MYPN: variants seen among roughly 807,000 people sequenced by gnomAD.
The protein encoded by MYPN is myopalladin.
MYPN carries 63 observed loss-of-function variants against 129.4 expected under a neutral mutation model. That is an observed-to-expected ratio of 0.49 (90% CI 0.40 to 0.60). The LOEUF (loss-of-function observed/expected upper bound fraction) is 0.60, where lower values mean the gene tolerates loss of function less well. Ranked by LOEUF, MYPN falls within the 20% of genes least tolerant of loss-of-function variation. The pLI, the probability that MYPN is intolerant of heterozygous loss-of-function variation, is 0.00. For synonymous variants in MYPN, 629 were observed against 600.9 expected, an observed-to-expected ratio of 1.05 and a Z score of -0.68; for missense variants, 1,596 against 1,635.4, an observed-to-expected ratio of 0.98 and a Z score of 0.42.
chr10:68,103,558 C>T (rs2041992157), upstream of MYPN, among the ~76,000 whole-genome samples: 1 of 152,174 alleles, frequency 6.6e-6, no homozygotes, highest in Non-Finnish European at 1.5e-5. Context: ...TGAATTTCCT[C>T]CTTTGAGTGA....
intron 10 of MYPN, among the ~76,000 whole-genome samples, chr10:68,168,641 G>A (rs187453061): frequency 2.0e-4 from 30 of 152,258 alleles, no homozygotes; most frequent in African/African-American, 6.0e-4. Context: ...ACATCTCAAA[G>A]CAGGGACTTA....
At chr10:68,143,417 G>C (rs1340932239) in intron 3 of MYPN, among the ~76,000 whole-genome samples, 1 of 152,154 alleles carries the variant, frequency 6.6e-6, no homozygotes, top group East Asian at 1.9e-4. Flanking sequence ...TGAGTGTAGG[G>C]GGCGGAGGAG....
upstream of MYPN, chr10:68,106,020 C>T: frequency 2.7e-6 from 1 of 374,594 alleles, no homozygotes; most frequent in Admixed American, 3.0e-5. Context: ...AATGACTGTC[C>T]CTGGATCTGC....
intron 13 of MYPN, among the ~76,000 whole-genome samples, chr10:68,191,364 T>C (rs1358706630): frequency 2.6e-5 from 4 of 152,022 alleles, no homozygotes; most frequent in Non-Finnish European, 5.9e-5. Flanking sequence ...ATGACAGCTG[T>C]GTGCCACTAT....
At position 68,183,383 on chromosome 10, in the gene MYPN, G is replaced by T. The variant is rs531863217; in HGVS notation, c.2704-5522G>T. ...AGGCTGAGGTGGGAAGATGGCTTGC[G>T]CCCAGGAGGCAAAGTTTGCAAGGAG... On this transcript the variant is annotated intron_variant, in intron 12 of 19. Coordinates refer to ENST00000358913, the MANE Select transcript of MYPN (RefSeq NM_032578.4). Among the ~76,000 whole-genome samples the T allele has an allele frequency of 5.9e-5, 9 of 152,098 alleles. No individual in the cohort carries two copies. In the South Asian group the frequency reaches 1.9e-3, roughly 32 times the overall value.
intron 1 of MYPN, among the ~76,000 whole-genome samples, chr10:68,093,726 C>G (rs1363674309): frequency 6.6e-6 from 1 of 150,946 alleles, no homozygotes; most frequent in Non-Finnish European, 1.5e-5. Flanking sequence ...CACTGCACTC[C>G]AGCCTGGGTG....
intron 18 of MYPN, among the ~76,000 whole-genome samples, chr10:68,204,725 CA>C (rs33973275): frequency 0.18 from 16,061 of 88,882 alleles, 861 homozygotes; most frequent in Middle Eastern, 0.28. Context: ...GACTCTGTCT[CA>C]AAAAAAAAAA....
intron 3 of MYPN, among the ~76,000 whole-genome samples, chr10:68,143,650 G>A (rs2042612452): frequency 6.6e-6 from 1 of 152,190 alleles, no homozygotes; most frequent in African/African-American, 2.4e-5. Flanking sequence ...GTCCTTGTAG[G>A]TCATTGCAAG....
rs1363626607 is a variant in MYPN at position 68,211,912 on chromosome 10, C to T, written c.*1457C>T. 1.4e-5 allele frequency: 6 copies of T among 432,624 alleles called. No homozygotes were observed. The highest frequency in any genetic ancestry group is 2.3e-5 in the Non-Finnish European group (5 of 214,920). The allele number at this position is 432,624 out of a possible 1,614,324, so 26.8% of individuals were successfully genotyped here. ...GTCTGTGCCAAGCACACTCAGCTGG[C>T]ATTGTATTTGTGTGAACAGACAGTA... On this transcript the variant is annotated 3_prime_UTR_variant, in exon 20 of 20. Coordinates refer to ENST00000358913, the MANE Select transcript of MYPN (RefSeq NM_032578.4).
Position 68,175,379 on chromosome 10 carries a change from A to G in MYPN, c.2621A>G (p.Asp874Gly), listed in dbSNP as rs752806434. 1 of 1,613,962 alleles carries G rather than the reference A, an allele frequency of 6.2e-7. No homozygotes were observed. ...NTKSPQPVND[D>G]NIRETKNAVI... ...AAGTCTCCTCAACCAGTGAATGATG[A>G]TAACATTCGTGAAACTAAGAACGCA... The change falls in exon 12 of 20, where the codon GAT (aspartate) becomes GGT (glycine). Residue 874 changes from aspartate (D) to glycine (G), a missense_variant. By Grantham distance (94) the Asp-to-Gly change is moderately conservative. Coordinates refer to ENST00000358913, the MANE Select transcript of MYPN (RefSeq NM_032578.4).
At chr10:68,179,311 G>T (rs181883627) in intron 12 of MYPN, among the ~76,000 whole-genome samples, 12 of 152,152 alleles carry the variant, frequency 7.9e-5, no homozygotes, top group Non-Finnish European at 1.8e-4. Context: ...GACCTTGGCT[G>T]CTGGGATAGT....
chr10:68,123,300 A>C (rs1365887311), intron 2 of MYPN, among the ~76,000 whole-genome samples: 1 of 152,030 alleles, frequency 6.6e-6, no homozygotes, highest in Non-Finnish European at 1.5e-5. Context: ...AATTTCTTGA[A>C]CTTGGGAGGC....
chr10:68,163,783 CT>C (rs2043014523), intron 8 of MYPN, among the ~76,000 whole-genome samples: 1 of 152,124 alleles, frequency 6.6e-6, no homozygotes, highest in Non-Finnish European at 1.5e-5. Flanking sequence ...TGCTACGTGA[CT>C]TTTAGTGACA....
At chr10:68,186,274 G>A (rs1051545620) in intron 12 of MYPN, among the ~76,000 whole-genome samples, 6 of 152,108 alleles carry the variant, frequency 3.9e-5, no homozygotes, top group African/African-American at 1.4e-4. Context: ...TTTAAAATTG[G>A]TTCCAGTAAA....
At chr10:68,106,074 A>G (rs1356489004), upstream of MYPN, 1 of 452,378 alleles carries the variant, frequency 2.2e-6, no homozygotes, top group African/African-American at 2.0e-5. Context: ...GCGGGGCAGT[A>G]TCACATTTCC....
intron 16 of MYPN, 89 bp from the exon 17 acceptor site, chr10:68,199,279 T>C: frequency 1.5e-6 from 2 of 1,300,696 alleles, no homozygotes; most frequent in Non-Finnish European, 2.2e-6. Flanking sequence ...TCACTGTCTG[T>C]TTGGTGCCAA....
chr10:68,204,206 C>T (rs569170264), intron 18 of MYPN, among the ~76,000 whole-genome samples: 2 of 152,188 alleles, frequency 1.3e-5, no homozygotes, highest in South Asian at 2.1e-4. Flanking sequence ...GAAGAGACCA[C>T]GTCTTCTTTG....
chr10:68,181,167 G>A (rs1410914863), intron 12 of MYPN, among the ~76,000 whole-genome samples: 1 of 152,002 alleles, frequency 6.6e-6, no homozygotes, highest in East Asian at 1.9e-4. Context: ...CAAAGGAGAT[G>A]AGGCAAGGGA....
chr10:68,152,977 ATTTATTTTAT>A (rs111383760), intron 6 of MYPN, among the ~76,000 whole-genome samples: 6 of 147,702 alleles, frequency 4.1e-5, no homozygotes, highest in Admixed American at 6.8e-5. Context: ...ATTTTATTTT[ATTTATTTTAT>A]TTTATTTTAT....
Sources: gnomAD v4.1 joint callset for allele counts (sites outside exome capture counted in the v4.1 genomes callset) on GRCh38, gnomAD v4.1.1 for gene constraint, MANE v1.5 for transcripts, NCBI Gene and HGNC (gene_info 2026-07-23, HGNC 2026-07-21) for gene names.